The following CREB5 variants were observed in gnomAD, a reference collection of about 807,000 sequenced individuals.
CREB5 encodes the protein cyclic AMP-responsive element-binding protein 5.
CREB5 carries 19 observed loss-of-function variants against 57.1 expected under a neutral mutation model. The observed-to-expected ratio is 0.33, with a 90% confidence interval of 0.23 to 0.49. CREB5 has a LOEUF of 0.49. CREB5 is among the 20% of genes least tolerant of loss of function. The probability of loss-of-function intolerance (pLI) is 0.99; values close to 1 mark genes in which losing one functional copy is unlikely to be tolerated. For synonymous variants in CREB5, 238 were observed against 238.3 expected (o/e 1.00, Z 0.01); for missense variants, 579 against 671.6 (o/e 0.86, Z 1.52).
intron 5 of CREB5, among the ~76,000 whole-genome samples, chr7:28,580,063 A>G (rs1796059881): frequency 6.6e-6 from 1 of 152,284 alleles, no homozygotes; most frequent in Non-Finnish European, 1.5e-5. Flanking sequence ...AGGGAAGCCT[A>G]CTGGATGAAT....
intron 5 of CREB5, among the ~76,000 whole-genome samples, chr7:28,678,125 C>T (rs1040839060): frequency 6.6e-6 from 1 of 152,212 alleles, no homozygotes; most frequent in Non-Finnish European, 1.5e-5. Flanking sequence ...CAGTGGCTCA[C>T]GCCTGTAATC....
chr7:28,400,066 T>C (rs1033723909), intron 1 of CREB5, among the ~76,000 whole-genome samples: 26 of 150,388 alleles, frequency 1.7e-4, no homozygotes, highest in Admixed American at 9.3e-4. Flanking sequence ...CTGAAACAGA[T>C]ACACACACAC....
At chr7:28,709,382 G>C (rs1187988845) in intron 5 of CREB5, among the ~76,000 whole-genome samples, 1 of 152,050 alleles carries the variant, frequency 6.6e-6, no homozygotes, top group Non-Finnish European at 1.5e-5. Context: ...CAGGTTTTTG[G>C]TTAATAAATG....
chr7:28,768,410 C>T (rs1806123840), intron 7 of CREB5, among the ~76,000 whole-genome samples: 1 of 151,798 alleles, frequency 6.6e-6, no homozygotes, highest in African/African-American at 2.4e-5. Flanking sequence ...AATCTGAAAA[C>T]CATGTCACAA....
chr7:28,362,274 A>G (rs1352375908), intron 1 of CREB5, among the ~76,000 whole-genome samples: 1 of 152,246 alleles, frequency 6.6e-6, no homozygotes, highest in Non-Finnish European at 1.5e-5. Flanking sequence ...GATAAGCACA[A>G]AAAAGAGAAA....
intron 4 of CREB5, among the ~76,000 whole-genome samples, chr7:28,560,829 C>CGT (rs1562797035): frequency 7.7e-5 from 5 of 65,252 alleles, no homozygotes; most frequent in Non-Finnish European, 1.2e-4. Flanking sequence ...TGTGCGCGCG[C>CGT]GCGCGTGTGT....
intron 5 of CREB5, among the ~76,000 whole-genome samples, chr7:28,652,292 A>T (rs1312315394): frequency 6.6e-6 from 1 of 152,182 alleles, no homozygotes; most frequent in Non-Finnish European, 1.5e-5. Flanking sequence ...TTTCACTCCT[A>T]CTGTGAAAGC....
At chr7:28,589,799 G>C (rs1020737696) in intron 5 of CREB5, among the ~76,000 whole-genome samples, 2 of 152,022 alleles carry the variant, frequency 1.3e-5, no homozygotes, top group African/African-American at 4.8e-5. Context: ...CTCTGCATTA[G>C]GAGTATTTAT....
intron 1 of CREB5, among the ~76,000 whole-genome samples, chr7:28,454,646 G>A (rs1326394882): frequency 6.6e-6 from 1 of 152,166 alleles, no homozygotes; most frequent in Non-Finnish European, 1.5e-5. Context: ...TTTCCATGAT[G>A]CTTGGTTGTC....
Position 28,821,337 on chromosome 7 carries a change from AACTT to A in CREB5, c.*2063_*2066del, listed in dbSNP as rs992384420. 1.3e-5 allele frequency: 2 copies of A among 152,098 alleles called. No homozygotes were observed. Among genetic ancestry groups the A allele is most frequent in the African/African-American group, 4.8e-5 (2 of 41,428 alleles). 9.4% of individuals were successfully genotyped at this position (152,098 alleles called of 1,614,324 possible). ...ATAACTAGTTTCAGTTTTATCTAAT[AACTT>A]ACTTTTTAAATCAATATTTATCAAC... On this transcript the variant is annotated 3_prime_UTR_variant, in exon 11 of 11. Transcript: ENST00000357727.
upstream of CREB5, among the ~76,000 whole-genome samples, chr7:28,408,515 C>G (rs768964896): frequency 6.6e-6 from 1 of 152,176 alleles, no homozygotes. Context: ...GGCTCTGCCG[C>G]TCCCCAGCCC....
At chr7:28,777,590 A>G (rs944551827) in intron 7 of CREB5, among the ~76,000 whole-genome samples, 1 of 152,216 alleles carries the variant, frequency 6.6e-6, no homozygotes, top group Non-Finnish European at 1.5e-5. Flanking sequence ...GAAGTCCTGC[A>G]AACACCACTG....
At chr7:28,782,361 G>A (rs1286091489) in intron 7 of CREB5, among the ~76,000 whole-genome samples, 1 of 140,044 alleles carries the variant, frequency 7.1e-6, no homozygotes, top group South Asian at 2.2e-4. Flanking sequence ...TTGATACATT[G>A]TCAGCAGCAG....
intron 5 of CREB5, among the ~76,000 whole-genome samples, chr7:28,578,754 T>A (rs1795999603): frequency 6.6e-6 from 1 of 152,256 alleles, no homozygotes; most frequent in African/African-American, 2.4e-5. Flanking sequence ...ACTTTGAGAT[T>A]CAAAAGATAG....
chr7:28,800,593 T>C (rs1340028497), intron 7 of CREB5, among the ~76,000 whole-genome samples: 3 of 152,180 alleles, frequency 2.0e-5, no homozygotes, highest in Admixed American at 6.5e-5. Context: ...TAAGTGTCAG[T>C]TCTTCACAAA....
At chr7:28,601,136 G>A (rs560071940) in intron 5 of CREB5, among the ~76,000 whole-genome samples, 10 of 152,098 alleles carry the variant, frequency 6.6e-5, no homozygotes, top group African/African-American at 2.4e-4. Flanking sequence ...TTGGGAGAAA[G>A]TTGGACCTTC....
chr7:28,410,079 C>T (rs1167712944), upstream of CREB5: 3 of 398,788 alleles, frequency 7.5e-6, no homozygotes, highest in South Asian at 3.7e-5. Flanking sequence ...TGGGCGCGCG[C>T]GCAGGGGGCT....
chr7:28,314,170 G>A (rs1785333495), intron 1 of CREB5, among the ~76,000 whole-genome samples: 1 of 152,186 alleles, frequency 6.6e-6, no homozygotes, highest in African/African-American at 2.4e-5. Context: ...GTTTCTTGTA[G>A]CTATGTGAAG....
chr7:28,800,513 T>C lies in CREB5; in HGVS notation c.703-3686T>C, dbSNP rs555727923. Among the ~76,000 whole-genome samples, 4 of 152,090 alleles carry C rather than the reference T, an allele frequency of 2.6e-5. No individual in the cohort carries two copies. The South Asian group carries it at 8.3e-4, about 32-fold the overall frequency. Reference sequence around the variant, plus strand: ...GACTTACAAGGGTTAAAGCCAAGGGTGAGGAAGTAGAGGCAGGGAGAAGGG... The same window carrying C: ...GACTTACAAGGGTTAAAGCCAAGGGCGAGGAAGTAGAGGCAGGGAGAAGGG... On this transcript the variant is annotated intron_variant, in intron 7 of 10. Transcript: ENST00000357727.
Sources: allele counts gnomAD v4.1 joint callset (sites outside exome capture counted in the v4.1 genomes callset), GRCh38; gene constraint gnomAD v4.1.1; transcripts MANE v1.5; gene names NCBI Gene and HGNC (gene_info 2026-07-23, HGNC 2026-07-21).